The following CHODL variants were observed in gnomAD, a reference collection of about 807,000 sequenced individuals.
CHODL encodes the protein transmembrane protein MT75.
Under a neutral mutation model 34.5 loss-of-function variants are expected in CHODL, and 29 were observed. The ratio of observed to expected loss-of-function variants is 0.84; its 90% confidence interval spans 0.63 to 1.15. The LOEUF (loss-of-function observed/expected upper bound fraction) is 1.15, where lower values mean the gene tolerates loss of function less well. Among genes scored for constraint, CHODL ranks in the 50% most tolerant of loss-of-function variants. The probability of loss-of-function intolerance (pLI) is 0.00; values close to 1 mark genes in which losing one functional copy is unlikely to be tolerated. For synonymous variants in CHODL, 125 were observed against 116.1 expected, an observed-to-expected ratio of 1.08 and a Z score of -0.49; for missense variants, 332 against 332.5, an observed-to-expected ratio of 1.00 and a Z score of 0.01.
chr21:18,258,234 A>C (rs1239843185), intron 3 of CHODL, among the ~76,000 whole-genome samples: 1 of 151,992 alleles, frequency 6.6e-6, no homozygotes, highest in Admixed American at 6.6e-5. Context: ...TTGGTTGCTA[A>C]ACCCGTCATT....
chr21:18,223,735 C>T (rs1425664832), intron 2 of CHODL, among the ~76,000 whole-genome samples: 1 of 152,142 alleles, frequency 6.6e-6, no homozygotes, highest in Non-Finnish European at 1.5e-5. Context: ...ACTTTACCCA[C>T]ATCTGATTCT....
intron 2 of CHODL, among the ~76,000 whole-genome samples, chr21:18,038,326 G>A (rs1411653370): frequency 6.6e-6 from 1 of 151,578 alleles, no homozygotes; most frequent in Non-Finnish European, 1.5e-5. Context: ...TCAAACAAAA[G>A]TAGACAATAA....
chr21:18,193,471 G>A (rs1016834412), intron 2 of CHODL, among the ~76,000 whole-genome samples: 7 of 151,772 alleles, frequency 4.6e-5, no homozygotes, highest in East Asian at 3.9e-4. Context: ...TGAGGCGGGC[G>A]GATCACGAGG....
intron 2 of CHODL, among the ~76,000 whole-genome samples, chr21:18,193,049 C>T (rs1048195074): frequency 3.3e-5 from 5 of 151,802 alleles, no homozygotes; most frequent in East Asian, 3.9e-4. Flanking sequence ...TTTAGGTCTA[C>T]GTAGATACAC....
chr21:18,044,049 C>G (rs988523202), intron 2 of CHODL, among the ~76,000 whole-genome samples: 2 of 152,024 alleles, frequency 1.3e-5, no homozygotes, highest in Non-Finnish European at 2.9e-5. Context: ...TGGGTAGGGA[C>G]ACAGCCAAAC....
At chr21:18,256,266 C>T (rs2074313288) in intron 1 of CHODL, among the ~76,000 whole-genome samples, 1 of 152,116 alleles carries the variant, frequency 6.6e-6, no homozygotes, top group Non-Finnish European at 1.5e-5. Context: ...TATAACTTCC[C>T]TTACAAACCT....
intron 1 of CHODL, among the ~76,000 whole-genome samples, chr21:17,978,590 T>C (rs149891): frequency 0.65 from 97,014 of 150,274 alleles, 31,851 homozygotes; most frequent in African/African-American, 0.79. Flanking sequence ...TGGTGGCGGG[T>C]GCCTGTAGTT....
chr21:18,099,751 A>G (rs1206635486), intron 2 of CHODL, among the ~76,000 whole-genome samples: 3 of 152,112 alleles, frequency 2.0e-5, no homozygotes, highest in Non-Finnish European at 4.4e-5. Flanking sequence ...AACTCAGAAA[A>G]CTACTTCTCC....
chr21:18,062,486 A>AG (rs1362641036), intron 2 of CHODL, among the ~76,000 whole-genome samples: 1 of 151,728 alleles, frequency 6.6e-6, no homozygotes, highest in Non-Finnish European at 1.5e-5. Context: ...GTAGACATTG[A>AG]GGGGCGTGGT....
intron 2 of CHODL, among the ~76,000 whole-genome samples, chr21:18,101,088 G>A (rs547079425): frequency 3.8e-4 from 58 of 152,202 alleles, no homozygotes; most frequent in South Asian, 2.1e-3. Flanking sequence ...GGGACCCAGT[G>A]GGAGATGATT....
At chr21:17,933,289 C>T (rs778136307) in intron 1 of CHODL, among the ~76,000 whole-genome samples, 13 of 152,236 alleles carry the variant, frequency 8.5e-5, no homozygotes, top group East Asian at 3.9e-4. Flanking sequence ...GGCTGGGGGA[C>T]GGTCAGGTCT....
intron 1 of CHODL, among the ~76,000 whole-genome samples, chr21:17,970,837 C>T (rs2063608367): frequency 6.6e-6 from 1 of 152,130 alleles, no homozygotes; most frequent in Non-Finnish European, 1.5e-5. Flanking sequence ...CTACATCCAT[C>T]AACCGGTCAT....
intron 2 of CHODL, among the ~76,000 whole-genome samples, chr21:18,141,507 C>A (rs933614738): frequency 6.6e-6 from 1 of 151,824 alleles, no homozygotes; most frequent in Non-Finnish European, 1.5e-5. Flanking sequence ...ATGGGCAACA[C>A]AGAAGATGAT....
In CHODL at chr21:17,956,277, T is replaced by G. The variant is rs2063493234; in HGVS notation, c.-145+38877T>G. 2.6e-5 allele frequency among the ~76,000 whole-genome samples: 2 copies of G among 78,026 alleles called. 1 individual carries two copies. The highest frequency in any genetic ancestry group is 2.9e-4 in the Admixed American group (2 of 6,830). 51.2% of individuals were successfully genotyped at this position (78,026 alleles called of 152,430 possible). A position where few individuals can be genotyped will look rare whatever the true frequency, so the allele number is the denominator to read the frequency against. ...TTTTAAAAATGTGTGACACCTCCCC[T>G]CACTCTCTCTCTCATGCTTCTCCTG... is the stretch of plus-strand genomic sequence containing the variant. On this transcript the variant is annotated intron_variant, in intron 1 of 6. Coordinates refer to the CHODL transcript ENST00000400127.
chr21:18,001,519 A>T (rs1600878493), intron 1 of CHODL, among the ~76,000 whole-genome samples: 1 of 152,310 alleles, frequency 6.6e-6, no homozygotes, highest in Middle Eastern at 3.4e-3. Context: ...GCTTATTCAG[A>T]TCCATCATGC....
At chr21:17,987,087 C>A (rs1385133139) in intron 1 of CHODL, among the ~76,000 whole-genome samples, 1 of 152,098 alleles carries the variant, frequency 6.6e-6, no homozygotes, top group African/African-American at 2.4e-5. Context: ...TTTGTCCTGC[C>A]TGGTTCTATA....
Position 18,202,757 on chromosome 21 carries a change from A to G in CHODL, c.-44-53752A>G, listed in dbSNP as rs186809707. Among the ~76,000 whole-genome samples, 41 of 152,340 alleles carry G rather than the reference A, an allele frequency of 2.7e-4. 1 individual carries two copies. The highest frequency in any genetic ancestry group is 7.9e-4 in the African/African-American group (33 of 41,576). On this transcript the variant is annotated intron_variant, in intron 2 of 6. Transcript: ENST00000400127. ...TTTATATAAATTTCACTTTTAACCA[A>G]ATGAACTGAAGACAATGGAAAAACC...
At chr21:17,990,490 T>C (rs1466270294) in intron 1 of CHODL, among the ~76,000 whole-genome samples, 4 of 152,144 alleles carry the variant, frequency 2.6e-5, no homozygotes, top group Admixed American at 2.6e-4. Context: ...GATGTTAGAA[T>C]ATTTGGTTAC....
At chr21:18,030,890 G>A (rs1437817067) in intron 2 of CHODL, among the ~76,000 whole-genome samples, 1 of 152,144 alleles carries the variant, frequency 6.6e-6, no homozygotes, top group Non-Finnish European at 1.5e-5. Context: ...GTAGCAGGGT[G>A]GCTTTTTCTA....
Sources: gnomAD v4.1 joint callset for allele counts (sites outside exome capture counted in the v4.1 genomes callset) on GRCh38, gnomAD v4.1.1 for gene constraint, MANE v1.5 for transcripts, NCBI Gene and HGNC (gene_info 2026-07-23, HGNC 2026-07-21) for gene names.